Variants in ACKR3 observed in about 807,000 individuals in gnomAD.
ACKR3 encodes the protein C-X-C chemokine receptor type 7.
A neutral mutation model predicts 22.4 loss-of-function variants in ACKR3; 6 were observed. The observed-to-expected ratio is 0.27, with a 90% CI of 0.15 to 0.53. The LOEUF is 0.53. ACKR3 is among the 20% of genes least tolerant of loss of function. The probability of loss-of-function intolerance (pLI) is 0.96; values close to 1 mark genes in which losing one functional copy is unlikely to be tolerated. For missense variants in ACKR3, 396 were observed against 475.2 expected (o/e 0.83, Z 1.55); for synonymous variants, 209 against 205.2 (o/e 1.02, Z -0.16).
At chr2:236,550,112 C>T in the ACKR3 span, among the ~76,000 whole-genome samples, 2,935 of 152,296 alleles carry the variant, frequency 0.019, 73 homozygotes, top group African/African-American at 0.057. The surrounding 1 kb of genome is among the most constrained non-coding windows in gnomAD (Gnocchi z 4.6). Flanking sequence ...ACTGCAGCAA[C>T]GTGGATTCCT....
the ACKR3 span, among the ~76,000 whole-genome samples, chr2:236,538,557 G>A: frequency 1.1e-4 from 16 of 152,308 alleles, no homozygotes; most frequent in Admixed American, 7.8e-4. Context: ...GAAAGGGGCT[G>A]CAGTTCTAAG....
At chr2:236,567,842 G>C (rs1691218683), upstream of ACKR3, 1 of 152,958 alleles carries the variant, frequency 6.5e-6, no homozygotes, top group Non-Finnish European at 1.5e-5. Context: ...CCGGCCGTGC[G>C]TGAGTGCGGA....
chr2:236,557,737 G>C, the ACKR3 span, among the ~76,000 whole-genome samples: 5 of 152,318 alleles, frequency 3.3e-5, no homozygotes, highest in Admixed American at 3.3e-4. Flanking sequence ...AGAGAAAAGG[G>C]AGTGGAACAG....
chr2:236,573,760 T>C (rs1691354894), intron 1 of ACKR3, among the ~76,000 whole-genome samples: 1 of 152,196 alleles, frequency 6.6e-6, no homozygotes, highest in Non-Finnish European at 1.5e-5. Flanking sequence ...GTGGGGTTCG[T>C]ATCACTTCCA....
At chr2:236,542,180 C>A in the ACKR3 span, among the ~76,000 whole-genome samples, 3 of 152,200 alleles carry the variant, frequency 2.0e-5, no homozygotes, top group Admixed American at 6.5e-5. Context: ...TAGGGCCTAA[C>A]AAGAGACAGA....
the ACKR3 span, among the ~76,000 whole-genome samples, chr2:236,547,128 T>G: frequency 6.6e-6 from 1 of 152,198 alleles, no homozygotes; most frequent in Non-Finnish European, 1.5e-5. Context: ...TGATGACAGG[T>G]GGTTGTGAGA....
chr2:236,557,297 T>C, the ACKR3 span, among the ~76,000 whole-genome samples: 1 of 152,086 alleles, frequency 6.6e-6, no homozygotes, highest in Non-Finnish European at 1.5e-5. Flanking sequence ...CGTATAGATG[T>C]CTTGGCTTTT....
chr2:236,562,290 CA>C, the ACKR3 span, among the ~76,000 whole-genome samples: 1 of 152,278 alleles, frequency 6.6e-6, no homozygotes, highest in East Asian at 1.9e-4. Flanking sequence ...TTTTGCATTT[CA>C]GGTATAAATC....
chr2:236,537,353 G>C, the ACKR3 span, among the ~76,000 whole-genome samples: 4 of 152,226 alleles, frequency 2.6e-5, no homozygotes, highest in African/African-American at 9.6e-5. Flanking sequence ...AGCTGGTAAG[G>C]AGGCTGGTTT....
chr2:236,553,113 C>A, the ACKR3 span, among the ~76,000 whole-genome samples: 288 of 152,280 alleles, frequency 1.9e-3, 1 homozygote, highest in East Asian at 7.7e-4. Flanking sequence ...TCCACCTTTG[C>A]GGAGGAGATC....
At chr2:236,560,954 C>T in the ACKR3 span, among the ~76,000 whole-genome samples, 1 of 152,196 alleles carries the variant, frequency 6.6e-6, no homozygotes, top group South Asian at 2.1e-4. Flanking sequence ...TATATACATA[C>T]AACAAAATAT....
chr2:236,550,614 G>T, the ACKR3 span, among the ~76,000 whole-genome samples: 2 of 152,124 alleles, frequency 1.3e-5, no homozygotes, highest in Middle Eastern at 3.2e-3. The surrounding 1 kb of genome is among the most constrained non-coding windows in gnomAD (Gnocchi z 4.6). Flanking sequence ...AATGAATCCA[G>T]TCTCCCTCAG....
intron 1 of ACKR3, among the ~76,000 whole-genome samples, chr2:236,576,365 G>A (rs937195145): frequency 1.3e-5 from 2 of 152,220 alleles, no homozygotes; most frequent in African/African-American, 4.8e-5. Flanking sequence ...TATGGGATGA[G>A]GTAATCCCCT....
At chr2:236,570,335 A>T (rs1176951840) in intron 1 of ACKR3, among the ~76,000 whole-genome samples, 2 of 152,218 alleles carry the variant, frequency 1.3e-5, no homozygotes, top group African/African-American at 4.8e-5. Flanking sequence ...TGCTTCTAGT[A>T]TATCAGTTTG....
At chr2:236,579,496 C>T (rs1691477702) in intron 1 of ACKR3, among the ~76,000 whole-genome samples, 1 of 152,178 alleles carries the variant, frequency 6.6e-6, no homozygotes. Context: ...AAATCAGTGC[C>T]AGATAACAAT....
the ACKR3 span, among the ~76,000 whole-genome samples, chr2:236,561,585 G>A: frequency 6.6e-6 from 1 of 151,970 alleles, no homozygotes; most frequent in Admixed American, 6.6e-5. Context: ...TCCGCCTCCT[G>A]GGTTCAAGCG....
At chr2:236,550,278 G>A in the ACKR3 span, among the ~76,000 whole-genome samples, 297 of 152,346 alleles carry the variant, frequency 1.9e-3, 1 homozygote, top group African/African-American at 6.5e-3. The surrounding 1 kb of genome is among the most constrained non-coding windows in gnomAD (Gnocchi z 4.6). Flanking sequence ...TGGCAGTATG[G>A]CTTTGCAAGA....
the ACKR3 span, among the ~76,000 whole-genome samples, chr2:236,538,950 G>T: frequency 6.6e-6 from 1 of 152,126 alleles, no homozygotes. Context: ...GGCTGTGTTG[G>T]CTCACCTTTC....
upstream of ACKR3, among the ~76,000 whole-genome samples, chr2:236,568,058 T>C (rs1372008346): frequency 6.6e-6 from 1 of 151,972 alleles, no homozygotes; most frequent in Non-Finnish European, 1.5e-5. Context: ...ACGAAGCGGG[T>C]TCTACTTTTT....
Sources: gnomAD v4.1 joint callset for allele counts (sites outside exome capture counted in the v4.1 genomes callset) on GRCh38, gnomAD v4.1.1 for gene constraint, Gnocchi (gnomAD v3.1) non-coding constraint, MANE v1.5 for transcripts, NCBI Gene and HGNC (gene_info 2026-07-23, HGNC 2026-07-21) for gene names.